WASHC2C: variants seen among roughly 807,000 people sequenced by gnomAD.
WASHC2C encodes WASH complex subunit 2C.
Under a neutral mutation model 142.2 loss-of-function variants are expected in WASHC2C, and 73 were observed. The ratio of observed to expected loss-of-function variants is 0.51; its 90% CI spans 0.43 to 0.62. The LOEUF (loss-of-function observed/expected upper bound fraction) is 0.62, where lower values mean the gene tolerates loss of function less well. WASHC2C is among the 20% of genes least tolerant of loss of function. The probability of loss-of-function intolerance (pLI) is 0.00; values close to 1 mark genes in which losing one functional copy is unlikely to be tolerated. For missense variants in WASHC2C, 969 were observed against 1,531.7 expected (o/e 0.63, Z 6.13); for synonymous variants, 337 against 565.5 (o/e 0.60, Z 5.73).
chr10:45,754,388 G>A (rs3964834), intron 13 of WASHC2C, 98 bp from the exon 14 acceptor site: 23,599 of 1,571,806 alleles, frequency 0.015, 745 homozygotes, highest in African/African-American at 0.077. Flanking sequence ...AAAAGGTCTG[G>A]TACTAGCTGT....
intron 23 of WASHC2C, among the ~76,000 whole-genome samples, chr10:45,784,332 A>G (rs1468578359): frequency 9.0e-6 from 1 of 111,714 alleles, no homozygotes; most frequent in Non-Finnish European, 1.9e-5. Context: ...ATATATATAT[A>G]TGTAAACTTT....
Position 45,765,807 on chromosome 10 carries a change from G to A in WASHC2C, c.1866G>A (p.Glu622=), listed in dbSNP as rs376319255. ...CTGCCCTGTTGTTCAGCAGTGATGAGGAGGTGAGCTGAGGTTTCTGCTAAA... is the reference window on the plus strand; with the variant it reads ...CTGCCCTGTTGTTCAGCAGTGATGAAGAGGTGAGCTGAGGTTTCTGCTAAA... The part of the protein sequence containing the change: ...KASALLFSSD[E]EDQWNIPASQ... Residue 622 remains glutamate (E), a synonymous_variant, in exon 19 of 31, where the codon GAG becomes GAA. Transcript: ENST00000623400. 27 of 1,611,812 alleles carry A rather than the reference G, an allele frequency of 1.7e-5. No individual in the cohort carries two copies. The highest frequency in any genetic ancestry group is 2.2e-5 in the Non-Finnish European group (26 of 1,179,848).
At chr10:45,764,895 AC>A (rs1273810390) in intron 18 of WASHC2C, among the ~76,000 whole-genome samples, 1 of 151,364 alleles carries the variant, frequency 6.6e-6, no homozygotes, top group Non-Finnish European at 1.5e-5. Context: ...GTCCTACATT[AC>A]CGCACTCTCC....
intron 28 of WASHC2C, among the ~76,000 whole-genome samples, chr10:45,788,212 A>C (rs1418118981): frequency 1.3e-5 from 2 of 152,208 alleles, no homozygotes; most frequent in Non-Finnish European, 2.9e-5. Flanking sequence ...GCTTCTCAAA[A>C]TTCTACTTGA....
intron 13 of WASHC2C, 90 bp downstream of exon 13, chr10:45,753,327 CTTGTTTCTGTG>C (rs1564742684): frequency 8.3e-7 from 1 of 1,198,572 alleles, no homozygotes; most frequent in Non-Finnish European, 1.2e-6. Flanking sequence ...GTTCCCAAGC[CTTGTTTCTGTG>C]TCAAGCAAGA....
intron 18 of WASHC2C, among the ~76,000 whole-genome samples, chr10:45,764,522 T>C (rs2055550822): frequency 6.7e-6 from 1 of 149,648 alleles, no homozygotes; most frequent in African/African-American, 2.5e-5. Flanking sequence ...GAGGCAGCCA[T>C]GTCCTGACCA....
intron 30 of WASHC2C, among the ~76,000 whole-genome samples, chr10:45,791,440 T>G (rs1287674048): frequency 1.4e-5 from 2 of 147,662 alleles, no homozygotes; most frequent in East Asian, 3.9e-4. Flanking sequence ...AATATATGTT[T>G]GTGTACACAT....
At chr10:45,747,473 C>T (rs2052981852) in intron 8 of WASHC2C, among the ~76,000 whole-genome samples, 3 of 152,072 alleles carry the variant, frequency 2.0e-5, no homozygotes, top group Admixed American at 6.5e-5. Flanking sequence ...TTGCAGTTTG[C>T]GTTGTAAACT....
At chr10:45,747,521 A>G (rs2052991951) in intron 8 of WASHC2C, among the ~76,000 whole-genome samples, 2 of 152,254 alleles carry the variant, frequency 1.3e-5, no homozygotes, top group African/African-American at 4.8e-5. Context: ...ATACTGTCAT[A>G]GTCTCTAAAT....
rs569366486 is a variant in WASHC2C, at chr10:45,742,799, A to G, written c.529-591A>G. On this transcript the variant is annotated intron_variant, in intron 5 of 30. Transcript: ENST00000623400. ...GATAGACTTTTGGTAGGCTTTTGCCATTTTTGTTAAATTTTGTTAATTAGG... is the reference window on the plus strand; with the variant it reads ...GATAGACTTTTGGTAGGCTTTTGCCGTTTTTGTTAAATTTTGTTAATTAGG... 9.0e-4 allele frequency among the ~76,000 whole-genome samples: 136 copies of G among 150,502 alleles called. 1 individual carries two copies. In the East Asian group the frequency reaches 0.017, roughly 19 times the overall value.
chr10:45,729,114 A>C, intron 3 of WASHC2C, 88 bp downstream of exon 3: 2 of 1,343,516 alleles, frequency 1.5e-6, no homozygotes, highest in Non-Finnish European at 2.0e-6. Flanking sequence ...TCCCTCCTAA[A>C]TTTTGGTGGA....
chr10:45,785,662 C>T (rs781909823), intron 26 of WASHC2C, 31 bp downstream of exon 26: 12 of 1,612,414 alleles, frequency 7.4e-6, no homozygotes, highest in Non-Finnish European at 9.3e-6. Context: ...ATTTTCAGCT[C>T]TTGTTTGCAT....
chr10:45,749,138 C>T (rs2053216660), intron 8 of WASHC2C, among the ~76,000 whole-genome samples: 1 of 151,920 alleles, frequency 6.6e-6, no homozygotes, highest in Non-Finnish European at 1.5e-5. Flanking sequence ...AAAGGCTGGG[C>T]ATGGTGGCTC....
chr10:45,740,419 C>T (rs566519102), intron 5 of WASHC2C, among the ~76,000 whole-genome samples, 173 bp downstream of exon 5: 1 of 152,070 alleles, frequency 6.6e-6, no homozygotes, highest in Non-Finnish European at 1.5e-5. Context: ...TGATGGAGTA[C>T]TTGTGAGGTG....
chr10:45,783,391 A>G (rs1402369082), intron 23 of WASHC2C, among the ~76,000 whole-genome samples: 12 of 152,216 alleles, frequency 7.9e-5, no homozygotes, highest in African/African-American at 2.7e-4. Flanking sequence ...ATATGTAACA[A>G]TAATAATTAT....
intron 2 of WASHC2C, among the ~76,000 whole-genome samples, chr10:45,727,909 CT>C (rs2050082510): frequency 7.2e-6 from 1 of 138,414 alleles, no homozygotes; most frequent in South Asian, 2.2e-4. Flanking sequence ...TAATGGGATT[CT>C]TCAAATCGGG....
chr10:45,727,274 G>T lies in WASHC2C; in HGVS notation c.-44G>T, dbSNP rs765470295. The T allele has an allele frequency of 1.3e-6, 2 of 1,547,486 alleles. No homozygotes were observed. Among genetic ancestry groups the T allele is most frequent in the African/African-American group, 1.4e-5 (1 of 73,084 alleles). ...GGCTTCCGGGGCTCTGCGGTCCTCG[G>T]CCTGTGCTGGCAGCCTCGGAGCCCA... is the stretch of plus-strand genomic sequence containing the variant. On this transcript the variant is annotated 5_prime_UTR_variant, in exon 1 of 31. Transcript: ENST00000623400.
rs1325277049 is a variant in WASHC2C, at chr10:45,792,913, G to C, written c.*513G>C. ...CCAAGGCAAAGTTTGGCAAACTGTG[G>C]CCCCCCCACTGTCATATTTTGTTAA... On this transcript the variant is annotated 3_prime_UTR_variant, in exon 31 of 31. Transcript: ENST00000623400. 35 of 469,296 alleles carry C rather than the reference G, an allele frequency of 7.5e-5. 1 individual carries two copies. Among genetic ancestry groups the C allele is most frequent in the Middle Eastern group, 6.9e-4 (1 of 1,446 alleles). 29.1% of individuals were successfully genotyped at this position (469,296 alleles called of 1,614,324 possible).
intron 23 of WASHC2C, among the ~76,000 whole-genome samples, chr10:45,784,227 C>CATATAT: frequency 1.6e-5 from 1 of 62,502 alleles, no homozygotes; most frequent in Non-Finnish European, 3.3e-5. Flanking sequence ...AAAGCTTGTG[C>CATATAT]ATATATATAT....
Sources: gnomAD v4.1 joint callset for allele counts (sites outside exome capture counted in the v4.1 genomes callset) on GRCh38, gnomAD v4.1.1 for gene constraint, MANE v1.5 for transcripts, NCBI Gene and HGNC (gene_info 2026-07-23, HGNC 2026-07-21) for gene names.